The following DDX39B variants were observed in gnomAD, a reference collection of about 807,000 sequenced individuals.
DDX39B encodes the protein spliceosome RNA helicase DDX39B.
In DDX39B, 6 loss-of-function variants were observed where a neutral mutation model predicts 46.4. The observed-to-expected ratio is 0.13, with a 90% CI of 0.07 to 0.26. The LOEUF (loss-of-function observed/expected upper bound fraction) is 0.26. DDX39B is among the 10% of genes least tolerant of loss of function. The pLI is 1.00. For synonymous variants in DDX39B, 174 were observed against 199.4 expected, an observed-to-expected ratio of 0.87 and a Z score of 1.07; for missense variants, 185 against 553.4, an observed-to-expected ratio of 0.33 and a Z score of 6.68.
chr6:31,536,309 A>C, intron 5 of DDX39B, 191 bp downstream of exon 5: 1 of 838,830 alleles, frequency 1.2e-6, no homozygotes, highest in Non-Finnish European at 2.0e-6. Flanking sequence ...AAAATCATAG[A>C]AAGATGATAG....
Position 31,534,880 on chromosome 6 carries a change from A to C in DDX39B, c.735+487T>G, listed in dbSNP as rs1582944420. On this transcript the variant is annotated intron_variant, in intron 6 of 10. Transcript: ENST00000396172. This position sits in a 1 kb window ranked among gnomAD's most constrained non-coding sequence, Gnocchi z 5.1. ...CTGGAGGTGGGGAAGGGGAGGATTC[A>C]TTTGTGCTGATGCTCTTCTTTTGGA... 3 of 272,412 alleles carry C rather than the reference A, an allele frequency of 1.1e-5. No homozygotes were observed. The highest frequency in any genetic ancestry group is 2.2e-5 in the Non-Finnish European group (3 of 137,070). The allele number at this position is 272,412 out of a possible 1,614,324, so 16.9% of individuals were successfully genotyped here. A position where few individuals can be genotyped will look rare whatever the true frequency, so the allele number is the denominator to read the frequency against.
chr6:31,540,303 T>C lies in DDX39B; in HGVS notation c.211+19A>G, dbSNP rs1247569436. 5 of 1,613,440 alleles carry C rather than the reference T, an allele frequency of 3.1e-6. No individual in the cohort carries two copies. The highest frequency in any genetic ancestry group is 4.2e-6 in the Non-Finnish European group (5 of 1,179,504). On this transcript the variant is annotated intron_variant, in intron 2 of 10. Coordinates refer to ENST00000396172, the MANE Select transcript of DDX39B (RefSeq NM_004640.7). ...CTTAAAGAGCCCAATGAGCACTACATGCCCAAGAGAAAATTTACCTTCTGA... is the reference window on the plus strand; with the variant it reads ...CTTAAAGAGCCCAATGAGCACTACACGCCCAAGAGAAAATTTACCTTCTGA...
chr6:31,531,233 T>G lies in DDX39B; in HGVS notation c.978-36A>C, dbSNP rs1767121931. 1 of 1,613,906 alleles carries G rather than the reference T, an allele frequency of 6.2e-7. No individual in the cohort carries two copies. Among genetic ancestry groups the G allele is most frequent in the African/African-American group, 1.3e-5 (1 of 74,886 alleles). ...AAGGAAATTTAAAACATGTTGAGAT[T>G]CCCTTCTCTCAACTGTCTTTTTCTC... On this transcript the variant is annotated intron_variant, in intron 8 of 10. Transcript: ENST00000396172. This position sits in a 1 kb window ranked among gnomAD's most constrained non-coding sequence, Gnocchi z 5.8.
chr6:31,533,209 T>G, intron 6 of DDX39B: 1 of 319,864 alleles, frequency 3.1e-6, no homozygotes, highest in South Asian at 2.8e-5. Flanking sequence ...ACAGATGCCA[T>G]TACCTCAAAT....
intron 2 of DDX39B, 51 bp from the exon 3 acceptor site, chr6:31,539,325 C>A (rs1366661487): frequency 1.9e-6 from 3 of 1,589,518 alleles, no homozygotes; most frequent in Non-Finnish European, 8.6e-7. Context: ...CTCCAGATAA[C>A]TCTACCTTTT....
At chr6:31,538,677 A>G in intron 4 of DDX39B, 86 bp downstream of exon 4, 2 of 1,282,208 alleles carry the variant, frequency 1.6e-6, no homozygotes, top group Non-Finnish European at 2.2e-6. Flanking sequence ...AAGCTTCTCC[A>G]AAATTAAAGA....
At chr6:31,539,047 T>C (rs1246734008) in intron 3 of DDX39B, 100 bp downstream of exon 3, 3 of 1,600,304 alleles carry the variant, frequency 1.9e-6, no homozygotes, top group African/African-American at 1.3e-5. Flanking sequence ...ACAGAGGTCA[T>C]GTGCTCATGG....
chr6:31,540,897 G>A (rs1768343295), intron 1 of DDX39B: 1 of 405,630 alleles, frequency 2.5e-6, no homozygotes, highest in Admixed American at 3.8e-5. Flanking sequence ...GCGGAAACCA[G>A]AAAAGTTGGA....
In DDX39B at chr6:31,539,231, G is replaced by A. The variant is rs1265671652; in HGVS notation, c.255C>T (p.Val85=). The change falls in exon 3 of 11, where the codon GTC becomes GTT. Residue 85 remains valine, a synonymous_variant. Transcript: ENST00000396172. ...CCATGCCCGACTTGGCCTGGCACAG[G>A]ACATCCATTCCCAGAATGGCCTGAG... ...CIPQAILGMD[V]LCQAKSGMGK... The A allele has an allele frequency of 6.2e-7, 1 of 1,613,128 alleles. No individual in the cohort carries two copies. The highest frequency in any genetic ancestry group is 8.5e-7 in the Non-Finnish European group (1 of 1,180,046).
rs1350950718 is a variant in DDX39B at position 31,531,372 on chromosome 6, T to C, written c.901A>G (p.Ile301Val). The change falls in exon 8 of 11, where the codon ATT (isoleucine) becomes GTT (valine). Residue 301 changes from isoleucine to valine, a missense_variant. Around this residue, in one of 5 missense-constraint regions of DDX39B, gnomAD observed 110 missense variants for 282.2 expected, o/e 0.39. Coordinates refer to ENST00000396172, the MANE Select transcript of DDX39B (RefSeq NM_004640.7). The surrounding 1 kb of genome is among the most constrained non-coding windows in gnomAD (Gnocchi z 5.8). ...TCCACTAGTAGCTGGGCCAAGGCAA[T>C]GCACCGCTGCACAGACTTCACAAAG... ...VIFVKSVQRC[I>V]ALAQLLVEQN... is the part of the protein sequence containing the mutation. 1.2e-6 allele frequency: 2 copies of C among 1,613,916 alleles called. No individual in the cohort carries two copies. Among genetic ancestry groups the C allele is most frequent in the Non-Finnish European group, 1.7e-6 (2 of 1,179,960 alleles).
intron 4 of DDX39B, among the ~76,000 whole-genome samples, chr6:31,538,303 G>A (rs1302330352): frequency 6.6e-6 from 1 of 152,016 alleles, no homozygotes; most frequent in Non-Finnish European, 1.5e-5. Context: ...CTATAGGTGT[G>A]TGCCACCATG....
chr6:31,534,776 G>A lies in DDX39B; in HGVS notation c.735+591C>T, dbSNP rs1255685211. On this transcript the variant is annotated intron_variant, in intron 6 of 10. Coordinates refer to ENST00000396172, the MANE Select transcript of DDX39B (RefSeq NM_004640.7). The surrounding 1 kb of genome is among the most constrained non-coding windows in gnomAD (Gnocchi z 5.1). The stretch of plus-strand genomic sequence containing the variant: ...TCTCTGTTGCCGGCTCACATCAACC[G>A]AGGTTCCAGATGGGTGCAAGGAGAT... 7 of 338,814 alleles carry A rather than the reference G, an allele frequency of 2.1e-5. No homozygotes were observed. The highest frequency in any genetic ancestry group is 4.7e-5 in the South Asian group (2 of 42,162). 21.0% of individuals were successfully genotyped at this position (338,814 alleles called of 1,614,324 possible).
intron 3 of DDX39B, 71 bp downstream of exon 3, chr6:31,539,076 G>C: frequency 6.2e-7 from 1 of 1,612,692 alleles, no homozygotes; most frequent in Non-Finnish European, 8.5e-7. Flanking sequence ...GCATCATGTA[G>C]CTAGGACAAA....
chr6:31,539,566 T>C (rs1473295282), intron 2 of DDX39B, among the ~76,000 whole-genome samples: 1 of 152,186 alleles, frequency 6.6e-6, no homozygotes, highest in Non-Finnish European at 1.5e-5. Flanking sequence ...CCTAGCTCTG[T>C]CCTTATTTTT....
In DDX39B at chr6:31,539,387, A is replaced by G. The variant is rs569114346; in HGVS notation, c.212-113T>C. 1.6e-5 allele frequency: 23 copies of G among 1,477,350 alleles called. No homozygotes were observed. In the African/African-American group the frequency reaches 3.2e-4, roughly 21 times the overall value. The allele number at this position is 1,477,350 out of a possible 1,614,324, so 91.5% of individuals were successfully genotyped here. A position where few individuals can be genotyped will look rare whatever the true frequency, so the allele number is the denominator to read the frequency against. ...ACTCAATTCTCAAAGTCTAGTATTT[A>G]CCTGGTTCTTGCCAACTTCCAGACC... is the stretch of plus-strand genomic sequence containing the variant. On this transcript the variant is annotated intron_variant, in intron 2 of 10. Coordinates refer to ENST00000396172, the MANE Select transcript of DDX39B (RefSeq NM_004640.7).
chr6:31,530,540 C>A lies in DDX39B; in HGVS notation c.1271-90G>T. 6.4e-7 allele frequency: 1 copy of A among 1,574,426 alleles called. No individual in the cohort carries two copies. Among genetic ancestry groups the A allele is most frequent in the Non-Finnish European group, 8.7e-7 (1 of 1,147,348 alleles). On this transcript the variant is annotated intron_variant, in intron 10 of 10. Transcript: ENST00000396172. The surrounding 1 kb of genome is among the most constrained non-coding windows in gnomAD (Gnocchi z 4.5). ...CGGCACACATGCAGACACTGGTGTA[C>A]TGCCTGGGTTCAGAGGACGGACGTG...
Position 31,535,108 on chromosome 6 carries a change from T to C in DDX39B, c.735+259A>G, listed in dbSNP as rs977544249. On this transcript the variant is annotated intron_variant, in intron 6 of 10. Coordinates refer to ENST00000396172, the MANE Select transcript of DDX39B (RefSeq NM_004640.7). The surrounding 1 kb of genome is among the most constrained non-coding windows in gnomAD (Gnocchi z 4.6). ...CAAAGGGAGAAGAGGTTCAAAAATG[T>C]TGTGATTTATGAAAAAGTCGAACAC... 12 of 497,580 alleles carry C rather than the reference T, an allele frequency of 2.4e-5. No individual in the cohort carries two copies. The East Asian group carries it at 5.5e-4, about 23-fold the overall frequency. 30.8% of individuals were successfully genotyped at this position (497,580 alleles called of 1,614,324 possible). A position where few individuals can be genotyped will look rare whatever the true frequency, so the allele number is the denominator to read the frequency against.
At position 31,534,134 on chromosome 6, in the gene DDX39B, C is replaced by CA. The variant is rs1767504633; in HGVS notation, c.736-1224dup. 1 of 168,586 alleles carries CA rather than the reference C, an allele frequency of 5.9e-6. No homozygotes were observed. The highest frequency in any genetic ancestry group is 1.4e-4 in the South Asian group (1 of 7,388). 10.4% of individuals were successfully genotyped at this position (168,586 alleles called of 1,614,324 possible). ...AGCAAACCCTCCTGCCTCAGCTTCCCAAGTAGCTGGGACTACAGGCATGCG... is the reference window on the plus strand; with the variant it reads ...AGCAAACCCTCCTGCCTCAGCTTCCCAAAGTAGCTGGGACTACAGGCATGCG... On this transcript the variant is annotated intron_variant, in intron 6 of 10. Coordinates refer to ENST00000396172, the MANE Select transcript of DDX39B (RefSeq NM_004640.7). This position sits in a 1 kb window ranked among gnomAD's most constrained non-coding sequence, Gnocchi z 5.1.
At chr6:31,536,826 T>G in intron 4 of DDX39B, 143 bp from the exon 5 acceptor site, 1 of 1,002,466 alleles carries the variant, frequency 1.0e-6, no homozygotes, top group South Asian at 1.7e-5. Flanking sequence ...AATTTAAAAA[T>G]TTTATGTCCC....
Sources: gnomAD v4.1 joint callset for allele counts (sites outside exome capture counted in the v4.1 genomes callset) on GRCh38, gnomAD v4.1.1 for gene constraint, gnomAD v4.1.1 regional missense constraint, Gnocchi (gnomAD v3.1) non-coding constraint, MANE v1.5 for transcripts, NCBI Gene and HGNC (gene_info 2026-07-23, HGNC 2026-07-21) for gene names.